CERS6: variants seen among roughly 807,000 people sequenced by gnomAD.
CERS6 encodes ceramide synthase 6, also known as LAG1 homolog, ceramide synthase 6.
Under a neutral mutation model 56.8 loss-of-function variants are expected in CERS6, and 26 were observed. The ratio of observed to expected loss-of-function variants is 0.46; its 90% CI spans 0.34 to 0.63. The LOEUF (loss-of-function observed/expected upper bound fraction) is 0.63, where lower values mean the gene tolerates loss of function less well. Ranked by LOEUF, CERS6 falls within the 30% of genes least tolerant of loss-of-function variation. The pLI is 0.01. For missense variants in CERS6, 415 were observed against 467.5 expected (o/e 0.89, Z 1.04); for synonymous variants, 164 against 173.3 (o/e 0.95, Z 0.42).
In CERS6 at chr2:168,695,002, C is replaced by T. The variant is rs1686607873; in HGVS notation, c.560C>T (p.Ser187Leu). ...CACTACTATTACATCCTGGAGCTGT[C>T]GTTTTATTGGTCTTTGATGTTTTCT... The part of the protein sequence containing the change: ...DLHYYYILEL[S>L]FYWSLMFSQF... The change falls in exon 6 of 10, where the codon TCG (serine) becomes TTG (leucine). Residue 187 changes from serine (S) to leucine (L), a missense_variant. By Grantham distance (145) the Ser-to-Leu change is moderately radical. Transcript: ENST00000305747. The T allele has an allele frequency of 3.7e-6, 6 of 1,613,462 alleles. No homozygotes were observed. The South Asian group carries it at 5.5e-5, about 15-fold the overall frequency.
chr2:168,680,912 A>G (rs1020595949), intron 4 of CERS6, among the ~76,000 whole-genome samples: 3 of 152,224 alleles, frequency 2.0e-5, no homozygotes, highest in African/African-American at 7.2e-5. Context: ...CTTTTCATGT[A>G]CTATGTCCTT....
At chr2:168,501,165 A>C (rs1168570141) in intron 1 of CERS6, among the ~76,000 whole-genome samples, 1 of 152,226 alleles carries the variant, frequency 6.6e-6, no homozygotes, top group Non-Finnish European at 1.5e-5. Flanking sequence ...CTTTGAGCCC[A>C]AGGATGAGGC....
At position 168,587,225 on chromosome 2, in the gene CERS6, A is replaced by G. The variant is rs141476950; in HGVS notation, c.407+25903A>G. On this transcript the variant is annotated intron_variant, in intron 3 of 9. Coordinates refer to ENST00000305747, the MANE Select transcript of CERS6 (RefSeq NM_203463.3). ...ATAAAATATAAAGTAAAACAAAATA[A>G]AAGTTTATTGAAATGGAATCATTAT... Among the ~76,000 whole-genome samples, 668 of 152,284 alleles carry G rather than the reference A, an allele frequency of 4.4e-3. 7 individuals carry two copies. Among genetic ancestry groups the G allele is most frequent in the African/African-American group, 0.015 (622 of 41,566 alleles).
intron 2 of CERS6, among the ~76,000 whole-genome samples, chr2:168,553,764 T>C (rs1407727198): frequency 6.6e-6 from 1 of 152,152 alleles, no homozygotes; most frequent in African/African-American, 2.4e-5. Flanking sequence ...ACTGTAGTAC[T>C]AAGAAAGAAA....
At chr2:168,686,415 GAATA>G in intron 4 of CERS6, among the ~76,000 whole-genome samples, 1 of 109,982 alleles carries the variant, frequency 9.1e-6, no homozygotes, top group African/African-American at 3.4e-5. Context: ...ATAAATAAAT[GAATA>G]AATAAAAAGA....
At chr2:168,511,956 A>G (rs969656132) in intron 1 of CERS6, among the ~76,000 whole-genome samples, 209 of 145,772 alleles carry the variant, frequency 1.4e-3, no homozygotes, top group Admixed American at 4.2e-3. Flanking sequence ...ACGTGCACAC[A>G]CACACACACA....
In CERS6 at chr2:168,671,866, A is replaced by G. The variant is rs113514649; in HGVS notation, c.466-19168A>G. ...ACTCCAAACTAGGCTATTTCTATAC[A>G]GTCGAAAATATTTTTATGGTGGCAA... is the stretch of plus-strand genomic sequence containing the variant. On this transcript the variant is annotated intron_variant, in intron 4 of 9. Coordinates refer to ENST00000305747, the MANE Select transcript of CERS6 (RefSeq NM_203463.3). Among the ~76,000 whole-genome samples the G allele has an allele frequency of 8.2e-3, 1,242 of 152,326 alleles. 17 individuals are homozygous for G. Among genetic ancestry groups the G allele is most frequent in the Non-Finnish European group, 0.013 (890 of 68,018 alleles).
chr2:168,588,017 T>C (rs1192648684), intron 3 of CERS6, among the ~76,000 whole-genome samples: 1 of 151,992 alleles, frequency 6.6e-6, no homozygotes. Context: ...GCCTCGACCT[T>C]CTGGGCTCAG....
rs140610236 is a variant in CERS6 at position 168,773,668 on chromosome 2, A to G, written c.*4006A>G. 83 of 152,344 alleles carry G rather than the reference A, an allele frequency of 5.4e-4. No homozygotes were observed. In the East Asian group the frequency reaches 0.015, roughly 28 times the overall value. 9.4% of individuals were successfully genotyped at this position (152,344 alleles called of 1,614,324 possible). ...GTTGTCACAAGCCGCCCTTGAAGAA[A>G]ACGCAGCAAAATATTTTAAAATGAA... On this transcript the variant is annotated 3_prime_UTR_variant, in exon 10 of 10. Coordinates refer to ENST00000305747, the MANE Select transcript of CERS6 (RefSeq NM_203463.3).
intron 1 of CERS6, among the ~76,000 whole-genome samples, chr2:168,521,629 G>C (rs1182176741): frequency 6.6e-6 from 1 of 152,150 alleles, no homozygotes; most frequent in Non-Finnish European, 1.5e-5. Context: ...AGACGTCTTG[G>C]GTTCTTCTCA....
chr2:168,673,173 A>G (rs1685965449), intron 4 of CERS6, among the ~76,000 whole-genome samples: 1 of 152,234 alleles, frequency 6.6e-6, no homozygotes, highest in Admixed American at 6.5e-5. Context: ...TGTTTAATTC[A>G]GAAAATTTTA....
intron 4 of CERS6, among the ~76,000 whole-genome samples, chr2:168,670,460 A>G (rs1186989551): frequency 1.3e-5 from 2 of 152,230 alleles, no homozygotes; most frequent in Admixed American, 6.5e-5. Flanking sequence ...TAGCACTCAC[A>G]AGGTGACACA....
chr2:168,581,608 T>C (rs750183850), intron 3 of CERS6, among the ~76,000 whole-genome samples: 1 of 152,158 alleles, frequency 6.6e-6, no homozygotes, highest in Non-Finnish European at 1.5e-5. Context: ...TATATATTTT[T>C]ATTTATAAAA....
At chr2:168,556,346 C>A (rs1695678662) in intron 2 of CERS6, among the ~76,000 whole-genome samples, 1 of 152,052 alleles carries the variant, frequency 6.6e-6, no homozygotes, top group Admixed American at 6.5e-5. Flanking sequence ...CTATATAATT[C>A]ATTTTATTAG....
chr2:168,504,578 A>T lies in CERS6; in HGVS notation c.171-43018A>T, dbSNP rs538808892. ...CCTGGGTTGACAGGGATGCTGAAAG[A>T]GGTGCCACTGAGATCAATAGCTGAG... On this transcript the variant is annotated intron_variant, in intron 1 of 9. Transcript: ENST00000305747. Among the ~76,000 whole-genome samples, 10 of 152,284 alleles carry T rather than the reference A, an allele frequency of 6.6e-5. No homozygotes were observed. In the East Asian group the frequency reaches 1.5e-3, roughly 24 times the overall value.
intron 8 of CERS6, among the ~76,000 whole-genome samples, chr2:168,736,154 C>T (rs946245804): frequency 7.2e-5 from 11 of 152,114 alleles, no homozygotes; most frequent in African/African-American, 2.7e-4. Context: ...CTTTTGTTAC[C>T]ATTACTGTAA....
At chr2:168,629,452 T>C (rs1340648703) in intron 3 of CERS6, among the ~76,000 whole-genome samples, 1 of 152,150 alleles carries the variant, frequency 6.6e-6, no homozygotes. Context: ...CCTTGAGGCA[T>C]CATTATAGCA....
chr2:168,591,276 A>G (rs1382031902), intron 3 of CERS6, among the ~76,000 whole-genome samples: 1 of 152,256 alleles, frequency 6.6e-6, no homozygotes, highest in Non-Finnish European at 1.5e-5. Context: ...TAGTATTGTT[A>G]GTGCTATTTC....
intron 1 of CERS6, among the ~76,000 whole-genome samples, chr2:168,505,232 A>G (rs1269276155): frequency 6.6e-6 from 1 of 151,824 alleles, no homozygotes; most frequent in East Asian, 1.9e-4. Flanking sequence ...GCAAAAAAAA[A>G]TTAGCTGGGC....
Sources: allele counts gnomAD v4.1 joint callset (sites outside exome capture counted in the v4.1 genomes callset), GRCh38; gene constraint gnomAD v4.1.1; transcripts MANE v1.5; gene names NCBI Gene and HGNC (gene_info 2026-07-23, HGNC 2026-07-21).